The following PEX5L variants were observed in gnomAD, a reference collection of about 807,000 sequenced individuals.
The protein encoded by PEX5L is peroxisomal biogenesis factor 5 like.
PEX5L carries 30 observed loss-of-function variants against 84.0 expected under a neutral mutation model. The observed-to-expected ratio is 0.36, with a 90% CI of 0.27 to 0.48. PEX5L has a LOEUF of 0.48. Ranked by LOEUF, PEX5L falls within the 20% of genes least tolerant of loss-of-function variation. The probability of loss-of-function intolerance (pLI) is 0.99; values close to 1 mark genes in which losing one functional copy is unlikely to be tolerated. For missense variants in PEX5L, 533 were observed against 754.6 expected (o/e 0.71, Z 3.44); for synonymous variants, 270 against 283.1 (o/e 0.95, Z 0.46).
chr3:180,026,856 TA>T (rs889794354), intron 1 of PEX5L, among the ~76,000 whole-genome samples: 6 of 151,848 alleles, frequency 4.0e-5, no homozygotes, highest in Admixed American at 6.6e-5. Flanking sequence ...GACATTCACT[TA>T]AAAAAAACTT....
intron 9 of PEX5L, 33 bp from the exon 10 acceptor site, chr3:179,816,037 A>G: frequency 1.9e-6 from 3 of 1,603,744 alleles, no homozygotes; most frequent in Non-Finnish European, 2.6e-6. Context: ...TGCATGAGCC[A>G]TTGATTTCTC....
chr3:179,899,205 T>C (rs1414365713), intron 2 of PEX5L, among the ~76,000 whole-genome samples: 2 of 152,080 alleles, frequency 1.3e-5, no homozygotes, highest in Non-Finnish European at 2.9e-5. Flanking sequence ...CCCCCCAAAA[T>C]ATTACCTTTC....
intron 1 of PEX5L, among the ~76,000 whole-genome samples, chr3:180,020,385 C>T (rs948725596): frequency 5.3e-5 from 8 of 151,940 alleles, no homozygotes; most frequent in African/African-American, 1.7e-4. Context: ...TCCTATTTTA[C>T]ATATATCTTA....
At chr3:180,003,792 G>A (rs374267569) in intron 1 of PEX5L, among the ~76,000 whole-genome samples, 5 of 152,226 alleles carry the variant, frequency 3.3e-5, no homozygotes, top group East Asian at 1.9e-4. Context: ...TTTGGCTTCC[G>A]TTGGCTACTA....
In PEX5L at chr3:179,797,893, A is replaced by G. The variant is rs1356928221; in HGVS notation, c.*3935T>C. On this transcript the variant is annotated 3_prime_UTR_variant, in exon 15 of 15. Coordinates refer to ENST00000467460, the MANE Select transcript of PEX5L (RefSeq NM_016559.3). ...TAAAACAACAACCACCACTGCTACA[A>G]CAACTAGCTTAAAGTACAGTCCAAT... 2.0e-5 allele frequency: 3 copies of G among 152,144 alleles called. No individual in the cohort carries two copies. Among genetic ancestry groups the G allele is most frequent in the Non-Finnish European group, 4.4e-5 (3 of 68,036 alleles). 9.4% of individuals were successfully genotyped at this position (152,144 alleles called of 1,614,324 possible). A position where few individuals can be genotyped will look rare whatever the true frequency, so the allele number is the denominator to read the frequency against.
intron 1 of PEX5L, among the ~76,000 whole-genome samples, chr3:179,998,674 G>A (rs1005849485): frequency 2.6e-5 from 4 of 152,188 alleles, no homozygotes; most frequent in African/African-American, 9.7e-5. Flanking sequence ...GGCGCTTTCT[G>A]ATCCATCTAG....
intron 8 of PEX5L, among the ~76,000 whole-genome samples, chr3:179,854,092 G>A (rs1742984392): frequency 6.9e-6 from 1 of 144,390 alleles, no homozygotes; most frequent in Admixed American, 6.8e-5. Context: ...TTGGCAATAT[G>A]GTGAAACCTC....
intron 8 of PEX5L, among the ~76,000 whole-genome samples, chr3:179,844,752 C>T (rs1358027534): frequency 2.6e-5 from 4 of 152,152 alleles, no homozygotes; most frequent in African/African-American, 9.7e-5. Context: ...ATGGCGTGAA[C>T]CCGGGAGGCA....
chr3:179,905,277 CTT>C (rs35550522), intron 2 of PEX5L, among the ~76,000 whole-genome samples: 6 of 145,222 alleles, frequency 4.1e-5, no homozygotes, highest in Non-Finnish European at 4.5e-5. Context: ...AATCTGTGTC[CTT>C]TTTTTTTTTT....
rs149561598 is a variant in PEX5L at position 179,989,903 on chromosome 3, A to G, written c.22-18238T>C. 4.5e-3 allele frequency among the ~76,000 whole-genome samples: 686 copies of G among 152,362 alleles called. 4 individuals carry two copies. The highest frequency in any genetic ancestry group is 0.016 in the African/African-American group (658 of 41,584). ...TAAGAATATGTTATTTTATACCATA[A>G]AATCACATTCAGGTTTTGCCACTTT... On this transcript the variant is annotated intron_variant, in intron 1 of 14. Coordinates refer to ENST00000467460, the MANE Select transcript of PEX5L (RefSeq NM_016559.3).
intron 8 of PEX5L, among the ~76,000 whole-genome samples, chr3:179,839,418 A>G (rs1008319369): frequency 1.3e-5 from 2 of 152,220 alleles, no homozygotes; most frequent in Non-Finnish European, 2.9e-5. Context: ...GCTTTTACAG[A>G]TGTAACTGCT....
At chr3:179,953,894 T>C (rs1660190483) in intron 2 of PEX5L, among the ~76,000 whole-genome samples, 1 of 152,126 alleles carries the variant, frequency 6.6e-6, no homozygotes, top group South Asian at 2.1e-4. Flanking sequence ...ATGAATACAG[T>C]GAGAAAGAAA....
In PEX5L at chr3:179,795,772, G is replaced by T. The variant is rs1716687237; in HGVS notation, c.*6056C>A. On this transcript the variant is annotated 3_prime_UTR_variant, in exon 15 of 15. Coordinates refer to ENST00000467460, the MANE Select transcript of PEX5L (RefSeq NM_016559.3). ...GTCTCAAAACAACATTTTTAGATTA[G>T]ATTAGAGATGCAATATTCATAGATA... 6.6e-6 allele frequency: 1 copy of T among 152,134 alleles called. No homozygotes were observed. Among genetic ancestry groups the T allele is most frequent in the African/African-American group, 2.4e-5 (1 of 41,428 alleles). 9.4% of individuals were successfully genotyped at this position (152,134 alleles called of 1,614,324 possible). A position where few individuals can be genotyped will look rare whatever the true frequency, so the allele number is the denominator to read the frequency against.
intron 2 of PEX5L, among the ~76,000 whole-genome samples, chr3:179,901,441 T>C (rs1043806051): frequency 6.6e-6 from 1 of 152,216 alleles, no homozygotes; most frequent in Non-Finnish European, 1.5e-5. Context: ...TTCAAGCATA[T>C]AAGCAGTTTA....
In PEX5L at chr3:179,864,171, G is replaced by A. The variant is rs577490560; in HGVS notation, c.727-5014C>T. ...TCTCGGGTATGTTTTTATCAGCAGC[G>A]GGAAAACAGACTAATACAATATCCA... On this transcript the variant is annotated intron_variant, in intron 7 of 14. Transcript: ENST00000467460. 1.4e-4 allele frequency among the ~76,000 whole-genome samples: 22 copies of A among 152,070 alleles called. No individual in the cohort carries two copies. In the South Asian group the frequency reaches 3.1e-3, roughly 22 times the overall value.
intron 1 of PEX5L, among the ~76,000 whole-genome samples, chr3:179,995,166 T>G (rs1457177578): frequency 2.7e-5 from 4 of 148,022 alleles, no homozygotes; most frequent in Non-Finnish European, 4.5e-5. Flanking sequence ...CTATATATAC[T>G]ATATATGTAT....
intron 2 of PEX5L, among the ~76,000 whole-genome samples, chr3:179,944,704 C>T (rs573130663): frequency 2.6e-4 from 39 of 152,256 alleles, no homozygotes; most frequent in Admixed American, 8.5e-4. Flanking sequence ...CCAATTTATG[C>T]CCATTTTAAG....
intron 2 of PEX5L, among the ~76,000 whole-genome samples, chr3:179,965,549 T>C (rs1783119950): frequency 6.6e-6 from 1 of 152,214 alleles, no homozygotes; most frequent in African/African-American, 2.4e-5. Context: ...CCTGCCTCTG[T>C]GCCGCTCTAT....
At chr3:179,902,020 G>A (rs1268375417) in intron 2 of PEX5L, 1 of 152,310 alleles carries the variant, frequency 6.6e-6, no homozygotes, top group African/African-American at 2.4e-5. Context: ...AGATGAGAAA[G>A]GTTGGATCTG....
Sources: allele counts gnomAD v4.1 joint callset (sites outside exome capture counted in the v4.1 genomes callset), GRCh38; gene constraint gnomAD v4.1.1; transcripts MANE v1.5; gene names NCBI Gene and HGNC (gene_info 2026-07-23, HGNC 2026-07-21).